Variants in THOC2 observed in about 807,000 individuals in gnomAD.
THOC2 encodes THO complex subunit 2.
THOC2 carries 10 observed loss-of-function variants against 128.4 expected under a neutral mutation model. That is an observed-to-expected ratio of 0.08 (90% CI 0.05 to 0.13). The LOEUF is 0.13. Among genes scored for constraint, THOC2 ranks in the 10% least tolerant of loss-of-function variants. The pLI, the probability that THOC2 is intolerant of heterozygous loss-of-function variation, is 1.00. For missense variants in THOC2, 535 were observed against 1,155.7 expected (o/e 0.46, Z 7.79); for synonymous variants, 393 against 396.9 (o/e 0.99, Z 0.12).
intron 33 of THOC2, among the ~76,000 whole-genome samples, chrX:123,615,053 A>T (rs978385909): frequency 2.7e-5 from 3 of 111,791 alleles, no homozygotes; most frequent in Non-Finnish European, 5.7e-5. Context: ...TTTAGGAAGT[A>T]GTCAGGAAAT....
intron 8 of THOC2, among the ~76,000 whole-genome samples, chrX:123,673,081 G>A (rs2049344760): frequency 8.9e-6 from 1 of 112,427 alleles, no homozygotes; most frequent in Non-Finnish European, 1.9e-5. Context: ...GCTCACGCCT[G>A]TAATCCCAAC....
chrX:123,629,130 C>T (rs1023533985), intron 22 of THOC2, among the ~76,000 whole-genome samples: 1 of 105,266 alleles, frequency 9.5e-6, no homozygotes, highest in Non-Finnish European at 1.9e-5. Flanking sequence ...TATACACACA[C>T]AAAAATATAT....
intron 18 of THOC2, among the ~76,000 whole-genome samples, chrX:123,637,550 A>G (rs909057183): frequency 1.8e-5 from 2 of 111,423 alleles, no homozygotes; most frequent in African/African-American, 6.5e-5. Flanking sequence ...ACTTGAGGTC[A>G]GGAGTTCAAG....
chrX:123,728,979 T>TA (rs1348931053), intron 1 of THOC2, among the ~76,000 whole-genome samples: 1 of 112,138 alleles, frequency 8.9e-6, no homozygotes, highest in Non-Finnish European at 1.9e-5. Context: ...TTCACTGTGT[T>TA]AATGATTTCT....
chrX:123,725,829 G>A (rs1361077424), intron 1 of THOC2, among the ~76,000 whole-genome samples: 1 of 110,879 alleles, frequency 9.0e-6, no homozygotes, highest in African/African-American at 3.3e-5. Context: ...AGTATATCAA[G>A]GTTGCTTCAA....
chrX:123,725,417 C>T (rs1176978633), intron 1 of THOC2, among the ~76,000 whole-genome samples: 3 of 94,182 alleles, frequency 3.2e-5, no homozygotes, highest in African/African-American at 7.9e-5. Flanking sequence ...ACAAGTGAGA[C>T]CCCATCTCTA....
intron 1 of THOC2, among the ~76,000 whole-genome samples, chrX:123,723,197 A>G (rs2051784300): frequency 9.0e-6 from 1 of 111,685 alleles, no homozygotes. Flanking sequence ...AACAAAAAAA[A>G]AGAAGTACTC....
In THOC2 at chrX:123,613,412, G is replaced by A. The variant is rs1474472931; in HGVS notation, c.4664C>T (p.Ser1555Phe). 3 of 1,203,611 alleles carry A rather than the reference G, an allele frequency of 2.5e-6. No homozygotes were observed. Among genetic ancestry groups the A allele is most frequent in the Non-Finnish European group, 3.4e-6 (3 of 892,245 alleles). The change falls in exon 36 of 39, where the codon TCC (serine) becomes TTC (phenylalanine). Residue 1555 changes from serine (S) to phenylalanine (F), a missense_variant. Ser to Phe is a radical substitution (Grantham distance 155). Coordinates refer to ENST00000245838, the MANE Select transcript of THOC2 (RefSeq NM_001081550.2). ...TTCCTAATTTACCTTTTTGCCACCG[G>A]AGGAGATTTTATCCATCTTCTCAGA... ...FKSEKMDKIS[S>F]GGKKESRHDK...
intron 18 of THOC2, among the ~76,000 whole-genome samples, chrX:123,637,685 G>A (rs1301536089): frequency 9.0e-6 from 1 of 110,730 alleles, no homozygotes; most frequent in African/African-American, 3.3e-5. Context: ...GCTAGAACCT[G>A]GGAGGCGGAG....
At chrX:123,660,986 T>TA (rs755338424) in intron 12 of THOC2, among the ~76,000 whole-genome samples, 1 of 112,183 alleles carries the variant, frequency 8.9e-6, no homozygotes, top group East Asian at 2.8e-4. Flanking sequence ...TATTCAGCCA[T>TA]AAAAAAGAAT....
chrX:123,638,162 T>G, intron 17 of THOC2, 39 bp from the exon 18 acceptor site: 6 of 924,481 alleles, frequency 6.5e-6, no homozygotes, highest in Non-Finnish European at 9.1e-6. Flanking sequence ...ATTACATCTC[T>G]AATAAAGACC....
intron 11 of THOC2, 121 bp downstream of exon 11, chrX:123,666,985 T>C (rs745760508): frequency 8.1e-5 from 40 of 493,066 alleles, no homozygotes; most frequent in Non-Finnish European, 1.2e-4. Context: ...GAATAGTTCT[T>C]ATCTTTTGAT....
chrX:123,691,538 T>C (rs1027089349), intron 7 of THOC2, among the ~76,000 whole-genome samples: 2 of 111,261 alleles, frequency 1.8e-5, no homozygotes, highest in Non-Finnish European at 3.8e-5. Flanking sequence ...GGCTTAAGGA[T>C]TTATTTTGTT....
At chrX:123,638,200 G>A in intron 17 of THOC2, 77 bp from the exon 18 acceptor site, 1 of 605,023 alleles carries the variant, frequency 1.7e-6, no homozygotes, top group Non-Finnish European at 2.5e-6. Context: ...CCACATCATA[G>A]GGGCAAAATT....
chrX:123,700,015 C>T (rs924697177), intron 4 of THOC2, among the ~76,000 whole-genome samples: 3 of 111,222 alleles, frequency 2.7e-5, no homozygotes, highest in South Asian at 3.8e-4. Flanking sequence ...TCCCTGACTC[C>T]TTTACCTCGA....
At chrX:123,663,930 C>T (rs1431602686) in intron 12 of THOC2, among the ~76,000 whole-genome samples, 10 of 111,251 alleles carry the variant, frequency 9.0e-5, no homozygotes, top group Admixed American at 6.7e-4. Flanking sequence ...CATCCATGTC[C>T]CTGCAAAGGA....
intron 18 of THOC2, 52 bp from the exon 19 acceptor site, chrX:123,636,227 G>GT (rs1403520542): frequency 2.0e-6 from 2 of 979,832 alleles, no homozygotes; most frequent in Non-Finnish European, 2.8e-6. Context: ...AAATGCACAA[G>GT]TATCATTTCA....
intron 8 of THOC2, among the ~76,000 whole-genome samples, chrX:123,680,481 C>T (rs1048513904): frequency 1.8e-5 from 2 of 109,954 alleles, no homozygotes; most frequent in Non-Finnish European, 1.9e-5. Context: ...ACTCAGAGGC[C>T]GGCATGGATC....
chrX:123,657,085 T>TA (rs982590868), intron 12 of THOC2, among the ~76,000 whole-genome samples: 2 of 111,140 alleles, frequency 1.8e-5, no homozygotes, highest in African/African-American at 6.5e-5. Context: ...ATCCTACAGA[T>TA]AAAAAACACT....
Sources: allele counts gnomAD v4.1 joint callset (sites outside exome capture counted in the v4.1 genomes callset), GRCh38; gene constraint gnomAD v4.1.1; transcripts MANE v1.5; gene names NCBI Gene and HGNC (gene_info 2026-07-23, HGNC 2026-07-21).